BEND3: variants seen among roughly 807,000 people sequenced by gnomAD.
BEND3 encodes BEN domain-containing protein 3.
Under a neutral mutation model 60.1 loss-of-function variants are expected in BEND3, and 13 were observed. That is an observed-to-expected ratio of 0.22 (90% CI 0.14 to 0.34). The LOEUF (loss-of-function observed/expected upper bound fraction) is 0.34, where lower values mean the gene tolerates loss of function less well. Ranked by LOEUF, BEND3 falls within the 10% of genes least tolerant of loss-of-function variation. The pLI, the probability that BEND3 is intolerant of heterozygous loss-of-function variation, is 1.00. For missense variants in BEND3, 896 were observed against 1,138.1 expected, an observed-to-expected ratio of 0.79 and a Z score of 3.06; for synonymous variants, 497 against 491.5, an observed-to-expected ratio of 1.01 and a Z score of -0.15.
intron 3 of BEND3, among the ~76,000 whole-genome samples, chr6:107,097,298 C>T (rs1420059726): frequency 3.3e-5 from 5 of 151,234 alleles, no homozygotes; most frequent in African/African-American, 1.2e-4. Flanking sequence ...ACCCAGGAGG[C>T]GGAGGTTGCG....
At chr6:107,099,105 G>A in intron 2 of BEND3, 144 bp downstream of exon 2, 4 of 678,236 alleles carry the variant, frequency 5.9e-6, no homozygotes, top group South Asian at 5.6e-5. Context: ...GTGGGTGGAG[G>A]GGGATGGGAA....
chr6:107,098,249 C>T (rs1554236270), intron 3 of BEND3, among the ~76,000 whole-genome samples: 2 of 152,244 alleles, frequency 1.3e-5, no homozygotes, highest in Non-Finnish European at 2.9e-5. Flanking sequence ...GGTAGGCTTA[C>T]GTTAACCGTC....
intron 3 of BEND3, among the ~76,000 whole-genome samples, chr6:107,084,547 C>T (rs1489284843): frequency 1.3e-5 from 2 of 150,348 alleles, no homozygotes; most frequent in Non-Finnish European, 1.5e-5. Context: ...ATTGTAAACA[C>T]ACCTATCAGC....
Position 107,099,314 on chromosome 6 carries a change from G to A in BEND3, c.-11-18C>T, listed in dbSNP as rs145753728. 1.8e-4 allele frequency: 284 copies of A among 1,592,696 alleles called. 2 individuals are homozygous for A. In the East Asian group the frequency reaches 5.2e-3, roughly 29 times the overall value. Reference sequence around the variant, plus strand: ...CTATTCCGCTAAATAAAAAGACAAAGACAATGTGTTGACTTATTGCTTGAT... The same window carrying A: ...CTATTCCGCTAAATAAAAAGACAAAAACAATGTGTTGACTTATTGCTTGAT... On this transcript the variant is annotated intron_variant, in intron 1 of 3. Transcript: ENST00000369042.
At chr6:107,101,465 T>G (rs1261395765) in intron 1 of BEND3, among the ~76,000 whole-genome samples, 1 of 152,190 alleles carries the variant, frequency 6.6e-6, no homozygotes, top group African/African-American at 2.4e-5. Context: ...TGCACAATAG[T>G]GCAAGACAGG....
intron 1 of BEND3, among the ~76,000 whole-genome samples, chr6:107,101,276 G>A (rs1237988324): frequency 2.0e-5 from 3 of 152,180 alleles, no homozygotes; most frequent in Admixed American, 2.0e-4. Flanking sequence ...AGTAGCCACA[G>A]AATGGTGTGT....
intron 3 of BEND3, among the ~76,000 whole-genome samples, chr6:107,093,658 CAT>C (rs1775523517): frequency 6.6e-6 from 1 of 152,188 alleles, no homozygotes; most frequent in South Asian, 2.1e-4. Flanking sequence ...GTCTTTTCAA[CAT>C]ATTTTACTGG....
At position 107,070,282 on chromosome 6, in the gene BEND3, G is replaced by A. The variant is rs782607231; in HGVS notation, c.909C>T (p.His303=). Residue 303 remains histidine (H), a synonymous_variant, in exon 4 of 4, where the codon CAC becomes CAT. Transcript: ENST00000369042. The surrounding 1 kb of genome is among the most constrained non-coding windows in gnomAD (Gnocchi z 6.9). ...FAAKRKLESL[H]LQLIRNYVEV... ...CCACATAGTTGCGGATGAGCTGCAG[G>A]TGCAGCGACTCCAGCTTGCGCTTGG... 34 of 1,612,864 alleles carry A rather than the reference G, an allele frequency of 2.1e-5. No individual in the cohort carries two copies. The highest frequency in any genetic ancestry group is 2.8e-5 in the Non-Finnish European group (33 of 1,180,006).
intron 1 of BEND3, among the ~76,000 whole-genome samples, chr6:107,110,954 A>C (rs908636712): frequency 3.3e-5 from 5 of 151,610 alleles, no homozygotes; most frequent in Non-Finnish European, 7.4e-5. Flanking sequence ...ACTTGAGCTC[A>C]GGAGTTCGAG....
intron 1 of BEND3, among the ~76,000 whole-genome samples, chr6:107,106,951 T>G (rs1554237599): frequency 1.3e-5 from 2 of 151,180 alleles, no homozygotes; most frequent in Non-Finnish European, 3.0e-5. Context: ...TTTTTTTTTT[T>G]TTTGAGACGG....
At chr6:107,104,006 A>G (rs1179932846) in intron 1 of BEND3, among the ~76,000 whole-genome samples, 5 of 151,240 alleles carry the variant, frequency 3.3e-5, no homozygotes, top group African/African-American at 9.7e-5. Context: ...AAGAAAAAAG[A>G]GAAGGCCGGG....
At chr6:107,085,114 G>T (rs1324421659) in intron 3 of BEND3, among the ~76,000 whole-genome samples, 1 of 151,556 alleles carries the variant, frequency 6.6e-6, no homozygotes. Flanking sequence ...CTTTGGATGC[G>T]CCACCTTTAA....
chr6:107,107,077 C>T (rs991335100), intron 1 of BEND3, among the ~76,000 whole-genome samples: 1 of 151,812 alleles, frequency 6.6e-6, no homozygotes, highest in East Asian at 1.9e-4. Context: ...TCTGGGATTA[C>T]AGGCATGCAC....
chr6:107,091,904 C>T (rs1466766488), intron 3 of BEND3, among the ~76,000 whole-genome samples: 2 of 152,112 alleles, frequency 1.3e-5, no homozygotes, highest in African/African-American at 4.8e-5. Context: ...CTCAATAAAA[C>T]ATTAGCAGGA....
chr6:107,105,436 G>A (rs79311180), intron 1 of BEND3, among the ~76,000 whole-genome samples: 2,254 of 151,968 alleles, frequency 0.015, 68 homozygotes, highest in African/African-American at 0.05. Flanking sequence ...AGCAGGGGGC[G>A]GTTGATCAGG....
intron 3 of BEND3, among the ~76,000 whole-genome samples, chr6:107,088,007 CT>C (rs374298071): frequency 1.6e-3 from 211 of 130,292 alleles, no homozygotes; most frequent in Admixed American, 4.2e-3. Context: ...ATGAAGAGCC[CT>C]TTTTTTTTTT....
chr6:107,073,401 T>G (rs1172698314), intron 3 of BEND3, among the ~76,000 whole-genome samples: 1 of 146,678 alleles, frequency 6.8e-6, no homozygotes, highest in African/African-American at 2.5e-5. Context: ...GCCAGCCACC[T>G]GCCCCACTCC....
intron 1 of BEND3, among the ~76,000 whole-genome samples, chr6:107,104,158 C>T (rs1255178546): frequency 6.6e-6 from 1 of 151,488 alleles, no homozygotes; most frequent in Non-Finnish European, 1.5e-5. Flanking sequence ...GGCGTGGTGG[C>T]GGGCGCCCAT....
chr6:107,098,836 CTG>C, intron 2 of BEND3, 83 bp from the exon 3 acceptor site: 1 of 1,190,260 alleles, frequency 8.4e-7, no homozygotes. Flanking sequence ...AGCAGGGTGT[CTG>C]TGGGCCGCCC....
Sources: allele counts gnomAD v4.1 joint callset (sites outside exome capture counted in the v4.1 genomes callset), GRCh38; gene constraint gnomAD v4.1.1; non-coding constraint Gnocchi (gnomAD v3.1); transcripts MANE v1.5; gene names NCBI Gene and HGNC (gene_info 2026-07-23, HGNC 2026-07-21).